The following CIDEC variants were observed in gnomAD, a reference collection of about 807,000 sequenced individuals.
CIDEC encodes cell death inducing DFFA like effector c, also known as lipid transferase CIDEC.
A neutral mutation model predicts 21.9 loss-of-function variants in CIDEC; 11 were observed. That is an observed-to-expected ratio of 0.50 (90% CI 0.32 to 0.83). The LOEUF is 0.83. Among genes scored for constraint, CIDEC ranks in the 40% least tolerant of loss-of-function variants. The pLI, the probability that CIDEC is intolerant of heterozygous loss-of-function variation, is 0.04. For missense variants in CIDEC, 302 were observed against 302.3 expected (o/e 1.00, Z 0.01); for synonymous variants, 127 against 124.9 (o/e 1.02, Z -0.11).
Position 9,867,236 on chromosome 3 carries a change from G to A in CIDEC, c.615C>T (p.Thr205=). The A allele has an allele frequency of 6.2e-7, 1 of 1,614,204 alleles. No individual in the cohort carries two copies. The highest frequency in any genetic ancestry group is 8.5e-7 in the Non-Finnish European group (1 of 1,180,036). Residue 205 remains threonine (T), a synonymous_variant, in exon 7 of 7, where the codon ACC becomes ACT. Transcript: ENST00000336832. ...CGAGGAGCTGCTGCAGGTAACAGGA[G>A]GTGCCAAGCAGTACGTGGCCTGTGG... ...MQATGHVLLG[T]SCYLQQLLDA...
chr3:9,873,650 G>C (rs536363182), intron 4 of CIDEC, among the ~76,000 whole-genome samples: 20 of 152,208 alleles, frequency 1.3e-4, no homozygotes, highest in Admixed American at 3.9e-4. Context: ...ATGACACTTA[G>C]GTTAACTGCC....
Position 9,866,948 on chromosome 3 carries a change from T to TGAGG in CIDEC, c.*182_*185dup. The TGAGG allele has an allele frequency of 1.4e-6, 1 of 705,366 alleles. No homozygotes were observed. Among genetic ancestry groups the TGAGG allele is most frequent in the South Asian group, 1.5e-5 (1 of 64,666 alleles). 43.7% of individuals were successfully genotyped at this position (705,366 alleles called of 1,614,324 possible). A position where few individuals can be genotyped will look rare whatever the true frequency, so the allele number is the denominator to read the frequency against. ...AAGGAGCTGGATCAGGCCAGGAGCTTGAGGTTCTCCTTTGGCCAACCCACC... is the reference window on the plus strand; with the variant it reads ...AAGGAGCTGGATCAGGCCAGGAGCTTGAGGGAGGTTCTCCTTTGGCCAACCCACC... On this transcript the variant is annotated 3_prime_UTR_variant, in exon 7 of 7. Coordinates refer to ENST00000336832, the MANE Select transcript of CIDEC (RefSeq NM_001321142.2).
In CIDEC at chr3:9,877,100, A is replaced by G; in HGVS notation, c.173T>C (p.Ile58Thr). The change falls in exon 4 of 7, where the codon ATC becomes ACC. Residue 58 changes from isoleucine (I) to threonine (T), a missense_variant. Ile to Thr is a moderately conservative substitution (Grantham distance 89, BLOSUM62 -1). Transcript: ENST00000336832. ...STADRSVRKG[I>T]MAYSLEDLLL... ...GAGGTCCTCAAGACTGTAAGCCATG[A>G]TGCCCTTCCTCACGCTTCGATCCGC... 1 of 1,553,604 alleles carries G rather than the reference A, an allele frequency of 6.4e-7. No individual in the cohort carries two copies. Among genetic ancestry groups the G allele is most frequent in the East Asian group, 2.4e-5 (1 of 41,304 alleles).
chr3:9,867,982 AC>A (rs1434497774), intron 6 of CIDEC, among the ~76,000 whole-genome samples: 7 of 151,634 alleles, frequency 4.6e-5, no homozygotes, highest in African/African-American at 1.7e-4. Flanking sequence ...CCCTCCCTGC[AC>A]CCCCTTATTC....
intron 4 of CIDEC, among the ~76,000 whole-genome samples, chr3:9,876,757 C>CAAAAAAAA (rs6147705): frequency 3.0e-5 from 2 of 67,770 alleles, no homozygotes; most frequent in African/African-American, 5.3e-5. Context: ...GACTTCGTCT[C>CAAAAAAAA]AAAAAAAAAA....
At chr3:9,879,362 G>C (rs2082474507) in intron 1 of CIDEC, among the ~76,000 whole-genome samples, 1 of 151,490 alleles carries the variant, frequency 6.6e-6, no homozygotes, top group African/African-American at 2.4e-5. Flanking sequence ...AGTAGAGACT[G>C]GGTTTCACCA....
At chr3:9,867,395 G>T in intron 6 of CIDEC, 99 bp from the exon 7 acceptor site, 1 of 1,289,990 alleles carries the variant, frequency 7.8e-7, no homozygotes, top group Non-Finnish European at 1.1e-6. Flanking sequence ...CATGGAGGGC[G>T]GGTAACCTGA....
At position 9,878,460 on chromosome 3, in the gene CIDEC, G is replaced by A. The variant is rs771940288; in HGVS notation, c.27C>T (p.Ser9=). Residue 9 remains serine, a synonymous_variant, in exon 3 of 7, where the codon AGC becomes AGT. Transcript: ENST00000336832. The stretch of plus-strand genomic sequence containing the variant: ...TGGAGAGGGACTTGGGGTAGAGAAG[G>A]CTAAGGGACTTCATGGCGTATTCCA... MEYAMKSL[S]LLYPKSLSRH... 6.2e-7 allele frequency: 1 copy of A among 1,613,872 alleles called. No homozygotes were observed.
chr3:9,867,206 A>G lies in CIDEC; in HGVS notation c.645T>C (p.Ala215=), dbSNP rs1053224. Residue 215 remains alanine, a synonymous_variant, in exon 7 of 7, where the codon GCT becomes GCC. Coordinates refer to ENST00000336832, the MANE Select transcript of CIDEC (RefSeq NM_001321142.2). Reference sequence around the variant, plus strand: ...CCTTGGGGGGCTGCCCTTCCTCCGTAGCATCGAGGAGCTGCTGCAGGTAAC... The same window carrying G: ...CCTTGGGGGGCTGCCCTTCCTCCGTGGCATCGAGGAGCTGCTGCAGGTAAC... The part of the protein sequence containing the change: ...TSCYLQQLLD[A]TEEGQPPKGK... 2.7e-5 allele frequency: 43 copies of G among 1,614,078 alleles called. No individual in the cohort carries two copies. Among genetic ancestry groups the G allele is most frequent in the African/African-American group, 1.2e-4 (9 of 75,066 alleles).
intron 6 of CIDEC, 151 bp downstream of exon 6, chr3:9,869,730 GC>G: frequency 1.4e-6 from 1 of 733,246 alleles, no homozygotes; most frequent in Non-Finnish European, 2.4e-6. Flanking sequence ...CACTTCGAGA[GC>G]CCATCAGGCT....
chr3:9,875,644 T>A (rs1298154256), intron 4 of CIDEC, among the ~76,000 whole-genome samples: 1 of 152,238 alleles, frequency 6.6e-6, no homozygotes, highest in Non-Finnish European at 1.5e-5. Flanking sequence ...GTAATACTGT[T>A]TCCTGATTGT....
Position 9,871,214 on chromosome 3 carries a change from C to T in CIDEC, c.208-892G>A, listed in dbSNP as rs2082343738. ...TTTTTTCTGGGGAGAAGGCCTTGCT[C>T]TTTAACCAGGTTGGAATGCAGTGGT... On this transcript the variant is annotated intron_variant, in intron 4 of 6. Coordinates refer to ENST00000336832, the MANE Select transcript of CIDEC (RefSeq NM_001321142.2). Among the ~76,000 whole-genome samples the T allele has an allele frequency of 3.7e-5, 5 of 134,138 alleles. No individual in the cohort carries two copies. In the South Asian group the frequency reaches 1.2e-3, roughly 32 times the overall value. The allele number at this position is 134,138 out of a possible 152,430, so 88.0% of individuals were successfully genotyped here.
chr3:9,879,195 C>T (rs1276838787), intron 1 of CIDEC, 141 bp from the exon 2 acceptor site: 1 of 149,842 alleles, frequency 6.7e-6, no homozygotes, highest in African/African-American at 3.0e-5. Context: ...TCTTGTCACC[C>T]AGGCTGGAGT....
intron 6 of CIDEC, among the ~76,000 whole-genome samples, chr3:9,868,936 G>A (rs1257074043): frequency 2.0e-5 from 3 of 151,802 alleles, no homozygotes; most frequent in African/African-American, 7.3e-5. Context: ...CTCCCACCTA[G>A]CTGGGATTAT....
At chr3:9,878,651 C>T in intron 2 of CIDEC, 140 bp from the exon 3 acceptor site, 1 of 1,277,702 alleles carries the variant, frequency 7.8e-7, no homozygotes, top group Non-Finnish European at 1.1e-6. Context: ...ATACCTCCCC[C>T]AGCCCTTCTC....
intron 4 of CIDEC, chr3:9,870,582 G>A (rs944826389): frequency 9.4e-7 from 1 of 1,058,974 alleles, no homozygotes; most frequent in South Asian, 1.4e-5. Flanking sequence ...ACAATTCAGG[G>A]TTTTTTAGTA....
intron 6 of CIDEC, among the ~76,000 whole-genome samples, chr3:9,868,006 G>A (rs922521443): frequency 7.9e-5 from 12 of 152,208 alleles, no homozygotes; most frequent in African/African-American, 2.6e-4. Context: ...ATGCTGGCCT[G>A]GAAGGGATTG....
chr3:9,869,397 T>G (rs754133696), intron 6 of CIDEC, among the ~76,000 whole-genome samples: 5 of 152,030 alleles, frequency 3.3e-5, no homozygotes, highest in Non-Finnish European at 7.4e-5. Flanking sequence ...ATTACAGGCA[T>G]GCACCACGAT....
intron 4 of CIDEC, 147 bp from the exon 5 acceptor site, chr3:9,870,469 C>A: frequency 6.5e-7 from 1 of 1,540,172 alleles, no homozygotes; most frequent in Non-Finnish European, 8.7e-7. Flanking sequence ...CTTCAGGGTT[C>A]CTAGTCTAGA....
Sources: allele counts gnomAD v4.1 joint callset (sites outside exome capture counted in the v4.1 genomes callset), GRCh38; gene constraint gnomAD v4.1.1; transcripts MANE v1.5; gene names NCBI Gene and HGNC (gene_info 2026-07-23, HGNC 2026-07-21).